The following LOC400499 variants were observed in gnomAD, a reference collection of about 807,000 sequenced individuals.
At chr16:11,504,354 G>C in the LOC400499 span, among the ~76,000 whole-genome samples, 2 of 152,008 alleles carry the variant, frequency 1.3e-5, no homozygotes, top group African/African-American at 2.4e-5. Flanking sequence ...TCAGGAGTTT[G>C]AGACCAGCAT....
At chr16:11,458,609 GAGA>G in the LOC400499 span, among the ~76,000 whole-genome samples, 2 of 152,190 alleles carry the variant, frequency 1.3e-5, no homozygotes, top group African/African-American at 4.8e-5. Context: ...CAGGGACTGG[GAGA>G]AGGAGAGAAT....
chr16:11,397,763 G>GAGGGAGGA, the LOC400499 span, among the ~76,000 whole-genome samples: 229 of 39,040 alleles, frequency 5.9e-3, 4 homozygotes, highest in African/African-American at 0.011. Flanking sequence ...GGGATGGAGG[G>GAGGGAGGA]AGGGAGGGAT....
chr16:11,447,195 C>A, the LOC400499 span, among the ~76,000 whole-genome samples: 6 of 152,346 alleles, frequency 3.9e-5, no homozygotes, highest in East Asian at 1.2e-3. Flanking sequence ...CATCTGGTGT[C>A]ACACAGACTG....
the LOC400499 span, chr16:11,383,840 T>C: frequency 1.6e-6 from 2 of 1,232,170 alleles, no homozygotes; most frequent in Non-Finnish European, 2.0e-6. Context: ...CTAAGCTTGA[T>C]GAGACAAAGG....
the LOC400499 span, chr16:11,385,325 G>T: frequency 8.1e-7 from 1 of 1,232,190 alleles, no homozygotes; most frequent in African/African-American, 1.6e-5. Context: ...CAAAGTCCTG[G>T]GCCAGGAGGA....
chr16:11,490,396 GAAAAAA>G, the LOC400499 span, among the ~76,000 whole-genome samples: 3 of 60,584 alleles, frequency 5.0e-5, no homozygotes, highest in Non-Finnish European at 9.5e-5. Flanking sequence ...ACTCTGTCTC[GAAAAAA>G]AAAAAAAAAA....
At chr16:11,513,218 A>C in the LOC400499 span, among the ~76,000 whole-genome samples, 2 of 143,104 alleles carry the variant, frequency 1.4e-5, no homozygotes, top group African/African-American at 5.1e-5. Flanking sequence ...AGCCTGGGCA[A>C]CATAGTGAAA....
the LOC400499 span, among the ~76,000 whole-genome samples, chr16:11,504,149 G>C: frequency 6.6e-6 from 1 of 152,208 alleles, no homozygotes; most frequent in Non-Finnish European, 1.5e-5. Flanking sequence ...GGGATCATTA[G>C]TGGCTTATCC....
chr16:11,464,303 C>T, the LOC400499 span, among the ~76,000 whole-genome samples: 2 of 152,250 alleles, frequency 1.3e-5, no homozygotes, highest in Admixed American at 6.5e-5. Flanking sequence ...CAGGCACATT[C>T]GAGCGATGGC....
At chr16:11,419,589 A>G in the LOC400499 span, among the ~76,000 whole-genome samples, 2 of 152,260 alleles carry the variant, frequency 1.3e-5, no homozygotes, top group Admixed American at 6.5e-5. Context: ...ACAAAAGCCA[A>G]AATTGACAAA....
the LOC400499 span, among the ~76,000 whole-genome samples, chr16:11,416,220 G>A: frequency 5.9e-5 from 9 of 152,138 alleles, no homozygotes; most frequent in African/African-American, 2.2e-4. Flanking sequence ...AAAGTGCTAG[G>A]ATTACATGCA....
chr16:11,435,339 C>G, the LOC400499 span, among the ~76,000 whole-genome samples: 21 of 152,252 alleles, frequency 1.4e-4, no homozygotes, highest in African/African-American at 5.1e-4. Flanking sequence ...CTCTTGAGCT[C>G]CTGAACTCAA....
At chr16:11,427,641 T>G in the LOC400499 span, among the ~76,000 whole-genome samples, 1 of 151,998 alleles carries the variant, frequency 6.6e-6, no homozygotes, top group African/African-American at 2.4e-5. Flanking sequence ...CGACAGAGTC[T>G]CCCTATGTTG....
the LOC400499 span, among the ~76,000 whole-genome samples, chr16:11,488,423 T>C: frequency 1.3e-5 from 2 of 152,170 alleles, no homozygotes; most frequent in African/African-American, 4.8e-5. Flanking sequence ...TGTTGTTTGT[T>C]TGTTTTGTTT....
chr16:11,417,132 C>T, the LOC400499 span, among the ~76,000 whole-genome samples: 1 of 149,240 alleles, frequency 6.7e-6, no homozygotes, highest in East Asian at 2.1e-4. Context: ...CACCCTCTGT[C>T]CTGTGAATAT....
the LOC400499 span, among the ~76,000 whole-genome samples, chr16:11,408,081 C>A: frequency 5.7e-5 from 8 of 139,944 alleles, no homozygotes; most frequent in Middle Eastern, 4.4e-3. Flanking sequence ...CTCCTGGGTT[C>A]AAGTGATTCT....
chr16:11,446,906 G>T, the LOC400499 span: 1 of 1,534,078 alleles, frequency 6.5e-7, no homozygotes, highest in South Asian at 1.2e-5. Flanking sequence ...AGGTGCAACG[G>T]GTGCCTGGTG....
the LOC400499 span, chr16:11,399,265 C>T: frequency 5.1e-6 from 5 of 985,032 alleles, no homozygotes; most frequent in Non-Finnish European, 6.0e-6. Context: ...CCTTGCTTTT[C>T]TTGTCTTCCA....
the LOC400499 span, among the ~76,000 whole-genome samples, chr16:11,416,963 A>C: frequency 6.6e-6 from 1 of 152,018 alleles, no homozygotes; most frequent in Non-Finnish European, 1.5e-5. Context: ...TGTGATCGGG[A>C]CGGCTGTACT....
Sources: gnomAD v4.1 joint callset for allele counts (sites outside exome capture counted in the v4.1 genomes callset) on GRCh38, gnomAD v4.1.1 for gene constraint, MANE v1.5 for transcripts.